DLGAP2: variants seen among roughly 807,000 people sequenced by gnomAD.
DLGAP2 encodes disks large-associated protein 2.
A neutral mutation model predicts 100.3 loss-of-function variants in DLGAP2; 26 were observed. The observed-to-expected ratio is 0.26, with a 90% CI of 0.19 to 0.36. The LOEUF (loss-of-function observed/expected upper bound fraction) is 0.36. Among genes scored for constraint, DLGAP2 ranks in the 10% least tolerant of loss-of-function variants. The probability of loss-of-function intolerance (pLI) is 1.00; values close to 1 mark genes in which losing one functional copy is unlikely to be tolerated. For synonymous variants in DLGAP2, 886 were observed against 630.1 expected (o/e 1.41, Z -6.08); for missense variants, 1,858 against 1,453.2 (o/e 1.28, Z -4.53).
At position 1,449,601 on chromosome 8, in the gene DLGAP2, C is replaced by A. The variant is rs190164497; in HGVS notation, c.107-51765C>A. 3.0e-3 allele frequency among the ~76,000 whole-genome samples: 457 copies of A among 152,292 alleles called. 2 individuals carry two copies. Among genetic ancestry groups the A allele is most frequent in the Middle Eastern group, 0.01 (3 of 294 alleles). On this transcript the variant is annotated intron_variant, in intron 3 of 14. Transcript: ENST00000637795. ...TTCCTGAGCTCCAGGGTGGGCCTGGCACTCTGCATTCTGAACGGGCAATGC... is the reference window on the plus strand; with the variant it reads ...TTCCTGAGCTCCAGGGTGGGCCTGGAACTCTGCATTCTGAACGGGCAATGC...
Position 1,548,731 on chromosome 8 carries a change from T to C in DLGAP2, c.278T>C (p.Leu93Pro), listed in dbSNP as rs748718951. 1.9e-6 allele frequency: 3 copies of C among 1,606,928 alleles called. No homozygotes were observed. In the African/African-American group the frequency reaches 4.0e-5, roughly 22 times the overall value. ...GLSGSRTQPPLCSGHTCGLAP... is the reference protein window; with the variant it reads ...GLSGSRTQPPPCSGHTCGLAP... ...TCCGGAAGTCGGACCCAGCCGCCGC[T>C]GTGTTCCGGGCACACGTGTGGTCTG... Residue 93 changes from leucine to proline, a missense_variant, in exon 5 of 15, where the codon CTG (leucine) becomes CCG (proline). Transcript: ENST00000637795.
At chr8:1,544,673 A>C (rs6994849) in intron 4 of DLGAP2, among the ~76,000 whole-genome samples, 63,863 of 151,786 alleles carry the variant, frequency 0.42, 13,904 homozygotes, top group South Asian at 0.63. Flanking sequence ...TAAATTCTAC[A>C]TAGTCACTGT....
chr8:1,617,991 A>T (rs529352503), intron 6 of DLGAP2, among the ~76,000 whole-genome samples: 2 of 152,218 alleles, frequency 1.3e-5, no homozygotes, highest in Non-Finnish European at 2.9e-5. Context: ...CCCTGGGGAA[A>T]AAATGTCAAC....
chr8:1,402,197 C>T (rs1288163771), intron 3 of DLGAP2, among the ~76,000 whole-genome samples: 1 of 6,656 alleles, frequency 1.5e-4, no homozygotes. Flanking sequence ...GCTCCCTCCT[C>T]ATCCTCCTGA....
At chr8:1,430,642 G>T (rs145546598) in intron 3 of DLGAP2, among the ~76,000 whole-genome samples, 1 of 152,264 alleles carries the variant, frequency 6.6e-6, no homozygotes, top group East Asian at 1.9e-4. Flanking sequence ...TCTTCTATGA[G>T]ATTGAGAGGA....
At chr8:1,354,395 C>T (rs1181376551) in intron 3 of DLGAP2, among the ~76,000 whole-genome samples, 2 of 152,152 alleles carry the variant, frequency 1.3e-5, no homozygotes, top group South Asian at 2.1e-4. Context: ...TGCTTGTAGT[C>T]CCAGCTACTC....
At position 1,054,508 on chromosome 8, in the gene DLGAP2, A is replaced by G. The variant is rs375056849; in HGVS notation, c.73+146542A>G. Among the ~76,000 whole-genome samples the G allele has an allele frequency of 5.3e-5, 8 of 152,262 alleles. No homozygotes were observed. In the East Asian group the frequency reaches 1.5e-3, roughly 29 times the overall value. On this transcript the variant is annotated intron_variant, in intron 2 of 14. Transcript: ENST00000637795. Reference sequence around the variant, plus strand: ...TAAGTGCTGTCATTAAAGTAGTCTAACTTACTGTATATTAGAATATATGAT... The same window carrying G: ...TAAGTGCTGTCATTAAAGTAGTCTAGCTTACTGTATATTAGAATATATGAT...
At chr8:950,994 G>A (rs73536087) in intron 2 of DLGAP2, among the ~76,000 whole-genome samples, 3,168 of 152,202 alleles carry the variant, frequency 0.021, 108 homozygotes, top group African/African-American at 0.074. Context: ...CTGCCCTGCA[G>A]TAATCACTTT....
At chr8:1,251,539 T>A (rs1357988299) in intron 2 of DLGAP2, among the ~76,000 whole-genome samples, 1 of 152,182 alleles carries the variant, frequency 6.6e-6, no homozygotes, top group Non-Finnish European at 1.5e-5. Flanking sequence ...CAGGCCTTGG[T>A]GATTCTACCT....
intron 3 of DLGAP2, among the ~76,000 whole-genome samples, chr8:1,440,138 AG>A (rs1176947706): frequency 2.6e-5 from 4 of 152,196 alleles, no homozygotes; most frequent in Non-Finnish European, 4.4e-5. Context: ...CATTTTAAGA[AG>A]AAAAAAAGGA....
At chr8:822,444 GT>G (rs1796601079) in intron 1 of DLGAP2, among the ~76,000 whole-genome samples, 1 of 152,200 alleles carries the variant, frequency 6.6e-6, no homozygotes. Flanking sequence ...ATGTTTCTCT[GT>G]TCAAACAGAG....
chr8:857,590 G>A (rs1431876806), intron 1 of DLGAP2, among the ~76,000 whole-genome samples: 3 of 152,170 alleles, frequency 2.0e-5, no homozygotes, highest in Admixed American at 2.0e-4. Context: ...CATGTCATGT[G>A]TCATCAGGGA....
chr8:1,283,685 C>T (rs537015320), intron 3 of DLGAP2, among the ~76,000 whole-genome samples: 1 of 152,300 alleles, frequency 6.6e-6, no homozygotes, highest in South Asian at 2.1e-4. Flanking sequence ...ACCTAACAAG[C>T]ATTTTGAAAA....
chr8:929,780 T>A (rs928121391), intron 2 of DLGAP2, among the ~76,000 whole-genome samples: 4 of 149,906 alleles, frequency 2.7e-5, no homozygotes, highest in Non-Finnish European at 5.9e-5. Flanking sequence ...AGTCTAATTA[T>A]ACTTAGAAGG....
intron 3 of DLGAP2, among the ~76,000 whole-genome samples, chr8:1,334,411 C>T (rs371205718): frequency 6.6e-6 from 1 of 152,180 alleles, no homozygotes; most frequent in Non-Finnish European, 1.5e-5. Flanking sequence ...GTGGATATGT[C>T]AAGGAGTCGG....
At chr8:1,321,736 C>G (rs752814105) in intron 3 of DLGAP2, among the ~76,000 whole-genome samples, 2 of 152,090 alleles carry the variant, frequency 1.3e-5, no homozygotes, top group Non-Finnish European at 2.9e-5. Context: ...TTATAACATC[C>G]AAAATTTAGT....
chr8:1,484,986 C>G lies in DLGAP2; in HGVS notation c.107-16380C>G, dbSNP rs117292842. 9.8e-3 allele frequency among the ~76,000 whole-genome samples: 1,487 copies of G among 152,312 alleles called. 12 individuals carry two copies. The highest frequency in any genetic ancestry group is 0.016 in the Admixed American group (243 of 15,298). On this transcript the variant is annotated intron_variant, in intron 3 of 14. Coordinates refer to ENST00000637795, the MANE Select transcript of DLGAP2 (RefSeq NM_001346810.2). ...TGCAATGTCAATAAGAAGGCATTAT[C>G]TTAAATTCCGCTAATAATAACTGCA... is the stretch of plus-strand genomic sequence containing the variant.
intron 2 of DLGAP2, among the ~76,000 whole-genome samples, chr8:1,190,748 C>G (rs1797615905): frequency 6.6e-6 from 1 of 152,144 alleles, no homozygotes. Context: ...GGTCCTTACA[C>G]CAGGGGCAGA....
At chr8:1,278,526 G>A (rs1799752375) in intron 3 of DLGAP2, among the ~76,000 whole-genome samples, 3 of 152,130 alleles carry the variant, frequency 2.0e-5, no homozygotes, top group Admixed American at 2.0e-4. Context: ...TACTGGTACT[G>A]TCAGGAACTT....
Sources: gnomAD v4.1 joint callset for allele counts (sites outside exome capture counted in the v4.1 genomes callset) on GRCh38, gnomAD v4.1.1 for gene constraint, MANE v1.5 for transcripts, NCBI Gene and HGNC (gene_info 2026-07-23, HGNC 2026-07-21) for gene names.